The following TTK variants were observed in gnomAD, a reference collection of about 807,000 sequenced individuals.
TTK encodes the protein TTK protein kinase, also known as dual specificity protein kinase TTK.
TTK carries 59 observed loss-of-function variants against 117.3 expected under a neutral mutation model. The ratio of observed to expected loss-of-function variants is 0.50; its 90% confidence interval spans 0.41 to 0.62. TTK has a LOEUF of 0.62. Ranked by LOEUF, TTK falls within the 20% of genes least tolerant of loss-of-function variation. The pLI is 0.00. For missense variants in TTK, 921 were observed against 989.4 expected (o/e 0.93, Z 0.93); for synonymous variants, 302 against 325.0 (o/e 0.93, Z 0.76).
chr6:80,022,553 C>T, intron 11 of TTK, 81 bp downstream of exon 11: 2 of 1,415,702 alleles, frequency 1.4e-6, no homozygotes, highest in Admixed American at 2.2e-5. Context: ...TAAATGTTTT[C>T]TTTTATTAAA....
chr6:80,042,373 A>T lies in TTK; in HGVS notation c.*171A>T. The T allele has an allele frequency of 2.2e-6, 1 of 460,306 alleles. No individual in the cohort carries two copies. The highest frequency in any genetic ancestry group is 4.0e-6 in the Non-Finnish European group (1 of 251,166). The allele number at this position is 460,306 out of a possible 1,614,324, so 28.5% of individuals were successfully genotyped here. A position where few individuals can be genotyped will look rare whatever the true frequency, so the allele number is the denominator to read the frequency against. On this transcript the variant is annotated 3_prime_UTR_variant, in exon 22 of 22. Coordinates refer to ENST00000369798, the MANE Select transcript of TTK (RefSeq NM_003318.5). ...AAAACTGTAAAAATAGCAACCACTT[A>T]TGGCACTGTATATATTGTAGACTTG...
At chr6:80,014,348 A>G in intron 9 of TTK, 115 bp from the exon 10 acceptor site, 1 of 855,314 alleles carries the variant, frequency 1.2e-6, no homozygotes, top group East Asian at 3.2e-5. Context: ...TATAATTATA[A>G]TAGAAAATTT....
At chr6:80,005,672 T>C in intron 1 of TTK, 170 bp from the exon 2 acceptor site, 1 of 624,408 alleles carries the variant, frequency 1.6e-6, no homozygotes, top group African/African-American at 1.9e-5. Context: ...TACAAAGATG[T>C]GTACCTTGTT....
chr6:80,037,249 T>C (rs1166400849), intron 17 of TTK, among the ~76,000 whole-genome samples: 1 of 152,080 alleles, frequency 6.6e-6, no homozygotes, highest in Non-Finnish European at 1.5e-5. Context: ...ATAGACTTTG[T>C]TAGGAGGAAT....
intron 13 of TTK, among the ~76,000 whole-genome samples, chr6:80,031,194 A>C (rs892612243): frequency 6.6e-6 from 1 of 151,702 alleles, no homozygotes; most frequent in Non-Finnish European, 1.5e-5. Context: ...TAAGCTTATA[A>C]GTTTGCAGAT....
At chr6:80,031,984 C>T (rs1188181020) in intron 14 of TTK, among the ~76,000 whole-genome samples, 2 of 152,144 alleles carry the variant, frequency 1.3e-5, no homozygotes, top group Admixed American at 1.3e-4. Context: ...AAACAGAATT[C>T]AGTAACAAAT....
chr6:80,020,944 A>G (rs1252484760), intron 10 of TTK, among the ~76,000 whole-genome samples: 2 of 152,222 alleles, frequency 1.3e-5, no homozygotes, highest in Non-Finnish European at 2.9e-5. Context: ...GAGACTGGAG[A>G]AAAGTCCTGA....
rs200901836 is a variant in TTK, at chr6:80,014,512, G to A, written c.1034G>A (p.Ser345Asn). Residue 345 changes from serine to asparagine, a missense_variant, in exon 10 of 22, where the codon AGT becomes AAT. By Grantham distance (46) the Ser-to-Asn change is conservative (BLOSUM62 1). Transcript: ENST00000369798. ...FKEPLVSDEK[S>N]SELIITDSIT... is the part of the protein sequence containing the mutation. ...GAACCTCTGGTGTCAGATGAAAAGA[G>A]TTCTGAACTTATTATTACTGATTCA... 1.9e-6 allele frequency: 3 copies of A among 1,610,250 alleles called. No individual in the cohort carries two copies. Among genetic ancestry groups the A allele is most frequent in the Non-Finnish European group, 2.5e-6 (3 of 1,178,058 alleles).
chr6:80,025,311 A>T (rs928184423), intron 11 of TTK, among the ~76,000 whole-genome samples: 1 of 152,186 alleles, frequency 6.6e-6, no homozygotes, highest in African/African-American at 2.4e-5. Context: ...GAGAGGGAAA[A>T]TTTATCCTGG....
chr6:80,016,703 T>C (rs1393270198), intron 10 of TTK, among the ~76,000 whole-genome samples: 2 of 152,290 alleles, frequency 1.3e-5, no homozygotes, highest in East Asian at 3.9e-4. Flanking sequence ...TGAGACACTC[T>C]CCTGAAAATG....
At chr6:80,028,885 C>G (rs996663655) in intron 13 of TTK, among the ~76,000 whole-genome samples, 35 of 152,248 alleles carry the variant, frequency 2.3e-4, no homozygotes, top group African/African-American at 8.4e-4. Flanking sequence ...ATCTTAGCCT[C>G]ACTACTTACA....
intron 11 of TTK, among the ~76,000 whole-genome samples, chr6:80,023,712 G>C (rs893825342): frequency 1.3e-5 from 2 of 152,178 alleles, no homozygotes; most frequent in Non-Finnish European, 2.9e-5. Flanking sequence ...CACTGTGTTA[G>C]AGTTTTTACA....
At chr6:80,011,331 A>T (rs774849940) in intron 5 of TTK, 103 bp from the exon 6 acceptor site, 19 of 747,838 alleles carry the variant, frequency 2.5e-5, no homozygotes, top group Non-Finnish European at 3.7e-5. Context: ...GGGGACAAGT[A>T]TTTCCTATGA....
intron 21 of TTK, among the ~76,000 whole-genome samples, chr6:80,041,317 C>T (rs544529602): frequency 1.3e-5 from 2 of 151,914 alleles, no homozygotes; most frequent in South Asian, 4.1e-4. Context: ...TCGTAGCTCT[C>T]TGGATACATA....
intron 12 of TTK, among the ~76,000 whole-genome samples, 191 bp downstream of exon 12, chr6:80,026,705 T>C (rs1342811958): frequency 6.6e-6 from 1 of 152,238 alleles, no homozygotes; most frequent in African/African-American, 2.4e-5. Flanking sequence ...ATAATGCATA[T>C]TTTTAAGGAT....
chr6:80,028,097 A>C, intron 13 of TTK, 86 bp downstream of exon 13: 1 of 1,387,508 alleles, frequency 7.2e-7, no homozygotes, highest in Non-Finnish European at 9.5e-7. Flanking sequence ...GTTATCAAGA[A>C]AGGTCTTAAG....
At chr6:80,041,157 A>G (rs1020378559) in intron 21 of TTK, among the ~76,000 whole-genome samples, 1 of 151,726 alleles carries the variant, frequency 6.6e-6, no homozygotes, top group Non-Finnish European at 1.5e-5. Flanking sequence ...ATGTCCATTT[A>G]TATCTATACC....
At chr6:80,027,551 T>C (rs1017943707) in intron 12 of TTK, among the ~76,000 whole-genome samples, 2 of 152,178 alleles carry the variant, frequency 1.3e-5, no homozygotes, top group Non-Finnish European at 2.9e-5. Context: ...AACATTATTG[T>C]TTAAAAAAAA....
In TTK at chr6:80,035,274, C is replaced by G; in HGVS notation, c.1781C>G (p.Thr594Arg). Residue 594 changes from threonine to arginine, a missense_variant, in exon 16 of 22, where the codon ACG becomes AGG. Coordinates refer to ENST00000369798, the MANE Select transcript of TTK (RefSeq NM_003318.5). ...TATTTGTTTAATTGCAGTGAAATCA[C>G]GGACCAGTACATCTACATGGTAATG... ...KIIRLYDYEI[T>R]DQYIYMVMEC... is the part of the protein sequence containing the mutation. 6.3e-7 allele frequency: 1 copy of G among 1,586,434 alleles called. No individual in the cohort carries two copies.
Sources: gnomAD v4.1 joint callset for allele counts (sites outside exome capture counted in the v4.1 genomes callset) on GRCh38, gnomAD v4.1.1 for gene constraint, MANE v1.5 for transcripts, NCBI Gene and HGNC (gene_info 2026-07-23, HGNC 2026-07-21) for gene names.